TEP1: variants seen among roughly 807,000 people sequenced by gnomAD.
The protein encoded by TEP1 is telomerase associated protein 1, also known as telomerase protein component 1.
Under a neutral mutation model 306.3 loss-of-function variants are expected in TEP1, and 241 were observed. The ratio of observed to expected loss-of-function variants is 0.79; its 90% CI spans 0.71 to 0.88. The LOEUF is 0.88. Among genes scored for constraint, TEP1 ranks in the 40% least tolerant of loss-of-function variants. TEP1 has a pLI of 0.00. For synonymous variants in TEP1, 1,289 were observed against 1,305.5 expected (o/e 0.99, Z 0.27); for missense variants, 3,051 against 3,276.1 (o/e 0.93, Z 1.68).
intron 12 of TEP1, among the ~76,000 whole-genome samples, chr14:20,393,196 G>A (rs370824302): frequency 1.3e-4 from 20 of 149,890 alleles, no homozygotes; most frequent in South Asian, 1.0e-3. Flanking sequence ...CAGCCTGGGC[G>A]ACAGAGCAAG....
intron 43 of TEP1, among the ~76,000 whole-genome samples, chr14:20,375,079 G>A (rs1372252729): frequency 2.3e-5 from 3 of 127,984 alleles, no homozygotes; most frequent in Admixed American, 8.3e-5. Flanking sequence ...CAACAAGAAC[G>A]AAACTCTGTC....
At chr14:20,392,957 G>A (rs1877846266) in intron 12 of TEP1, among the ~76,000 whole-genome samples, 4 of 152,022 alleles carry the variant, frequency 2.6e-5, no homozygotes, top group African/African-American at 7.2e-5. Context: ...GGTGGCTCAC[G>A]CCTATAATCC....
At chr14:20,400,779 A>T in intron 9 of TEP1, 1 of 598,006 alleles carries the variant, frequency 1.7e-6, no homozygotes. Flanking sequence ...TACATCTGGT[A>T]TAATGATCTA....
At chr14:20,406,684 C>T (rs941819931) in intron 2 of TEP1, among the ~76,000 whole-genome samples, 1 of 152,158 alleles carries the variant, frequency 6.6e-6, no homozygotes, top group African/African-American at 2.4e-5. Flanking sequence ...GCATGGGGCT[C>T]TTCACACACC....
chr14:20,391,749 A>G lies in TEP1; in HGVS notation c.1947T>C (p.Gly649=). The G allele has an allele frequency of 6.2e-7, 1 of 1,613,886 alleles. No individual in the cohort carries two copies. Among genetic ancestry groups the G allele is most frequent in the Non-Finnish European group, 8.5e-7 (1 of 1,179,820 alleles). Residue 649 remains glycine, a synonymous_variant, in exon 13 of 55, where the codon GGT becomes GGC. Coordinates refer to ENST00000262715, the MANE Select transcript of TEP1 (RefSeq NM_007110.5). Reference sequence around the variant, plus strand: ...CCTGTCGGTACCTGTTCAGCATCTCACCATCATATTTCCACTGTCTACATG... The same window carrying G: ...CCTGTCGGTACCTGTTCAGCATCTCGCCATCATATTTCCACTGTCTACATG... ...VHKARQWKYD[G]EMLNRYRQAL... is the part of the protein sequence containing the mutation.
rs77096275 is a variant in TEP1 at position 20,375,656 on chromosome 14, A to G, written c.6363+99T>C. 2,378 of 701,250 alleles carry G rather than the reference A, an allele frequency of 3.4e-3. 45 individuals carry two copies. In the African/African-American group the frequency reaches 0.037, roughly 11 times the overall value. The allele number at this position is 701,250 out of a possible 1,614,324, so 43.4% of individuals were successfully genotyped here. A position where few individuals can be genotyped will look rare whatever the true frequency, so the allele number is the denominator to read the frequency against. On this transcript the variant is annotated intron_variant, in intron 43 of 54. Transcript: ENST00000262715. ...TCAAGTTTGACAAATATTAGCTATC[A>G]CTATTATTAATGGGTGCCAGAAAAA...
chr14:20,382,161 G>A, intron 29 of TEP1, 63 bp downstream of exon 29: 1 of 1,612,936 alleles, frequency 6.2e-7, no homozygotes, highest in Non-Finnish European at 8.5e-7. Context: ...GAGACCCCAA[G>A]GGAACCAATG....
rs1436082209 is a variant in TEP1 at position 20,406,055 on chromosome 14, GA to G, written c.735+177del. 3.4e-5 allele frequency among the ~76,000 whole-genome samples: 5 copies of G among 147,414 alleles called. No individual in the cohort carries two copies. The East Asian group carries it at 5.9e-4, about 18-fold the overall frequency. ...AAGGAAAAGAGAGAAAGAAAGGAAA[GA>G]AAAAAAGAAAAGGAAAATAAAAGAA... On this transcript the variant is annotated intron_variant, in intron 3 of 54. Coordinates refer to ENST00000262715, the MANE Select transcript of TEP1 (RefSeq NM_007110.5).
intron 17 of TEP1, 126 bp from the exon 18 acceptor site, chr14:20,388,189 G>A: frequency 1.0e-6 from 1 of 962,818 alleles, no homozygotes. Flanking sequence ...AGCTCCTTAA[G>A]AAGAGGACCA....
Position 20,387,551 on chromosome 14 carries a change from C to CAA in TEP1, c.2684+352_2684+353dup, listed in dbSNP as rs34816712. ...TGGGCGACACAGCGAGACTCCGTCT[C>CAA]AAAAAAAAAAAGAAATTAAGCAACT... On this transcript the variant is annotated intron_variant, in intron 18 of 54. Transcript: ENST00000262715. Among the ~76,000 whole-genome samples, 285 of 127,728 alleles carry CAA rather than the reference C, an allele frequency of 2.2e-3. 14 individuals are homozygous for CAA. The highest frequency in any genetic ancestry group is 4.0e-3 in the Middle Eastern group (1 of 250). 83.8% of individuals were successfully genotyped at this position (127,728 alleles called of 152,430 possible).
Position 20,401,105 on chromosome 14 carries a change from G to A in TEP1, c.1428C>T (p.Arg476=). ...TGCTAGAATCCCAAGGCCCAGGAAG[G>A]CGACTTCGAGAAAAGAGCTGTAGGT... The part of the protein sequence containing the change: ...PSNLQLFSRS[R]LPGPWDSSRA... The change falls in exon 9 of 55, where the codon CGC becomes CGT. Residue 476 remains arginine, a synonymous_variant. Transcript: ENST00000262715. The A allele has an allele frequency of 6.2e-7, 1 of 1,614,122 alleles. No individual in the cohort carries two copies. The highest frequency in any genetic ancestry group is 1.1e-5 in the South Asian group (1 of 91,074).
intron 33 of TEP1, 110 bp from the exon 34 acceptor site, chr14:20,380,585 C>T (rs1285768199): frequency 2.1e-6 from 3 of 1,442,996 alleles, no homozygotes; most frequent in African/African-American, 2.9e-5. Flanking sequence ...AAGTGTGGCC[C>T]TCTGGCCCTA....
At chr14:20,369,855 C>T in intron 51 of TEP1, 76 bp from the exon 52 acceptor site, 2 of 1,187,248 alleles carry the variant, frequency 1.7e-6, no homozygotes, top group Non-Finnish European at 2.4e-6. Flanking sequence ...CAGTTTTCTG[C>T]TCTGGGCTGG....
At chr14:20,390,569 T>C (rs974490213) in intron 15 of TEP1, 112 bp downstream of exon 15, 10 of 1,002,912 alleles carry the variant, frequency 1.0e-5, no homozygotes, top group Non-Finnish European at 1.5e-5. Context: ...AGAGCTGATC[T>C]GACTATTGTA....
In TEP1 at chr14:20,377,923, C is replaced by T. The variant is rs1056518187; in HGVS notation, c.5721+101G>A. 12 of 1,502,930 alleles carry T rather than the reference C, an allele frequency of 8.0e-6. No homozygotes were observed. In the African/African-American group the frequency reaches 1.1e-4, roughly 14 times the overall value. 93.1% of individuals were successfully genotyped at this position (1,502,930 alleles called of 1,614,324 possible). On this transcript the variant is annotated intron_variant, in intron 39 of 54. Transcript: ENST00000262715. ...CCCCGTGGTTCCTGCAATCCAAGCT[C>T]CTCCACAGTCTCCTCGACAAAGGAC... is the stretch of plus-strand genomic sequence containing the variant.
At chr14:20,379,492 A>G (rs1393222451) in intron 35 of TEP1, among the ~76,000 whole-genome samples, 1 of 152,154 alleles carries the variant, frequency 6.6e-6, no homozygotes, top group Non-Finnish European at 1.5e-5. Context: ...GCAATTTACA[A>G]ATTTACCAGG....
chr14:20,377,274 T>C lies in TEP1; in HGVS notation c.6088+6A>G, dbSNP rs767501086. On this transcript the variant is annotated splice_donor_region_variant and intron_variant, in intron 41 of 54. Coordinates refer to ENST00000262715, the MANE Select transcript of TEP1 (RefSeq NM_007110.5). ...TTTGTTAACCCTGCCCACTGTCTAG[T>C]AGTACCTGAGGCAGAAGCCAAGAGC... The C allele has an allele frequency of 1.1e-5, 18 of 1,607,262 alleles. No homozygotes were observed. Among genetic ancestry groups the C allele is most frequent in the Non-Finnish European group, 1.4e-5 (16 of 1,175,242 alleles).
In TEP1 at chr14:20,381,185, A is replaced by G; in HGVS notation, c.4647+128T>C. The G allele has an allele frequency of 8.2e-7, 1 of 1,222,860 alleles. No individual in the cohort carries two copies. Among genetic ancestry groups the G allele is most frequent in the Non-Finnish European group, 1.2e-6 (1 of 826,858 alleles). 75.8% of individuals were successfully genotyped at this position (1,222,860 alleles called of 1,614,324 possible). A position where few individuals can be genotyped will look rare whatever the true frequency, so the allele number is the denominator to read the frequency against. On this transcript the variant is annotated intron_variant, in intron 32 of 54. Coordinates refer to ENST00000262715, the MANE Select transcript of TEP1 (RefSeq NM_007110.5). The surrounding 1 kb of genome is among the most constrained non-coding windows in gnomAD (Gnocchi z 4.0). The stretch of plus-strand genomic sequence containing the variant: ...GAAGAAGGGCAGGAAAACTGAAAGG[A>G]AAGAGGTCAAGGGAGTTTGGGAGGG...
At chr14:20,413,012 C>A (rs544795498) in intron 1 of TEP1, among the ~76,000 whole-genome samples, 1 of 150,590 alleles carries the variant, frequency 6.6e-6, no homozygotes, top group East Asian at 2.0e-4. Flanking sequence ...TAAGCACAGT[C>A]TGGGTTTCTA....
Sources: allele counts gnomAD v4.1 joint callset (sites outside exome capture counted in the v4.1 genomes callset), GRCh38; gene constraint gnomAD v4.1.1; non-coding constraint Gnocchi (gnomAD v3.1); transcripts MANE v1.5; gene names NCBI Gene and HGNC (gene_info 2026-07-23, HGNC 2026-07-21).